ZNF606: variants seen among roughly 807,000 people sequenced by gnomAD.
ZNF606 encodes zinc finger protein 328.
A neutral mutation model predicts 74.9 loss-of-function variants in ZNF606; 37 were observed. The ratio of observed to expected loss-of-function variants is 0.49; its 90% CI spans 0.38 to 0.65. The LOEUF (loss-of-function observed/expected upper bound fraction) is 0.65, where lower values mean the gene tolerates loss of function less well. Ranked by LOEUF, ZNF606 falls within the 30% of genes least tolerant of loss-of-function variation. The pLI is 0.00. For missense variants in ZNF606, 852 were observed against 952.9 expected (o/e 0.89, Z 1.39); for synonymous variants, 328 against 312.4 (o/e 1.05, Z -0.53).
Position 58,002,700 on chromosome 19 carries a change from CGCCGCCTCTCCCA to C in ZNF606, c.-369_-357del. ...AGGGCAGGCGCAGGACCCACCCTGA[CGCCGCCTCTCCCA>C]GCCGGCTCTCCTGACCCCCCAAGCC... On this transcript the variant is annotated 5_prime_UTR_variant, in exon 1 of 7. Coordinates refer to ENST00000551380, the MANE Select transcript of ZNF606 (RefSeq NM_001348022.3). 2.2e-6 allele frequency: 1 copy of C among 453,974 alleles called. No individual in the cohort carries two copies. The highest frequency in any genetic ancestry group is 1.6e-5 in the South Asian group (1 of 64,476). 28.1% of individuals were successfully genotyped at this position (453,974 alleles called of 1,614,324 possible).
intron 4 of ZNF606, chr19:57,998,659 T>C (rs771289484): frequency 6.6e-6 from 1 of 152,206 alleles, no homozygotes; most frequent in African/African-American, 2.4e-5. Flanking sequence ...ATTCTGTGAC[T>C]ATACGAGAAA....
intron 4 of ZNF606, among the ~76,000 whole-genome samples, chr19:57,993,639 T>C (rs1458444975): frequency 3.3e-5 from 5 of 152,194 alleles, no homozygotes; most frequent in South Asian, 2.1e-4. Context: ...CCAGCAGCCA[T>C]GTACTTATAC....
At position 57,978,783 on chromosome 19, in the gene ZNF606, A is replaced by C; in HGVS notation, c.1897T>G (p.Cys633Gly). 6.2e-7 allele frequency: 1 copy of C among 1,614,188 alleles called. No individual in the cohort carries two copies. The highest frequency in any genetic ancestry group is 8.5e-7 in the Non-Finnish European group (1 of 1,180,028). Residue 633 changes from cysteine to glycine, a missense_variant, in exon 7 of 7, where the codon TGT becomes GGT. Coordinates refer to ENST00000551380, the MANE Select transcript of ZNF606 (RefSeq NM_001348022.3). The surrounding 1 kb of genome is among the most constrained non-coding windows in gnomAD (Gnocchi z 4.4). ...PYECNKCGKS[C>G]SQMAHLVRHQ... Reference sequence around the variant, plus strand: ...CTAACAAGGTGAGCCATCTGGCTACAGGATTTTCCACATTTATTACATTCA... The same window carrying C: ...CTAACAAGGTGAGCCATCTGGCTACCGGATTTTCCACATTTATTACATTCA...
At position 57,984,025 on chromosome 19, in the gene ZNF606, C is replaced by T. The variant is rs571522324; in HGVS notation, c.401-3746G>A. 2.0e-3 allele frequency among the ~76,000 whole-genome samples: 312 copies of T among 152,264 alleles called. 2 individuals are homozygous for T. The highest frequency in any genetic ancestry group is 3.4e-3 in the Middle Eastern group (1 of 294). ...GGCTAATAACAAGTGAGAATTTCCT[C>T]ATCAACTTGGGCTGGAATTTTACGA... On this transcript the variant is annotated intron_variant, in intron 6 of 6. Coordinates refer to ENST00000551380, the MANE Select transcript of ZNF606 (RefSeq NM_001348022.3).
chr19:57,988,448 G>C, intron 5 of ZNF606, 146 bp from the exon 6 acceptor site: 4 of 1,393,614 alleles, frequency 2.9e-6, no homozygotes, highest in Non-Finnish European at 3.9e-6. Flanking sequence ...TAAGCATTAG[G>C]AGTTTCATCC....
At chr19:57,995,473 CAAAGTTGAAAAAAGAAA>C (rs915894145) in intron 4 of ZNF606, among the ~76,000 whole-genome samples, 1 of 151,668 alleles carries the variant, frequency 6.6e-6, no homozygotes, top group African/African-American at 2.4e-5. Context: ...GGATGGACCT[CAAAGTTGAAAAAAGAAA>C]ACTATAGGAA....
intron 4 of ZNF606, among the ~76,000 whole-genome samples, chr19:57,995,567 C>CCTATAGCAAAGTG (rs373816404): frequency 6.6e-5 from 10 of 152,140 alleles, no homozygotes; most frequent in African/African-American, 2.2e-4. Context: ...GTGGCTCACA[C>CCTATAGCAAAGTG]CTATAATCCC....
In ZNF606 at chr19:57,978,604, A is replaced by T; in HGVS notation, c.2076T>A (p.Ser692Arg). 3 of 1,613,814 alleles carry T rather than the reference A, an allele frequency of 1.9e-6. No homozygotes were observed. The highest frequency in any genetic ancestry group is 2.5e-6 in the Non-Finnish European group (3 of 1,179,958). The change falls in exon 7 of 7, where the codon AGT becomes AGA. Residue 692 changes from serine to arginine, a missense_variant. Ser to Arg is a moderately radical substitution (Grantham distance 110). Transcript: ENST00000551380. This position sits in a 1 kb window ranked among gnomAD's most constrained non-coding sequence, Gnocchi z 4.4. ...TTCTCCGGTGTGCAATGAGGTGAGA[A>T]CTACAGTTAAAGGATCTTTCACACT... ...CNQCERSFNC[S>R]SHLIAHRRTH...
intron 3 of ZNF606, 84 bp from the exon 4 acceptor site, chr19:57,999,980 T>C: frequency 1.7e-6 from 2 of 1,184,352 alleles, no homozygotes; most frequent in Non-Finnish European, 2.4e-6. Flanking sequence ...AACCAGCCCC[T>C]GCCCCTCCCC....
At chr19:57,985,566 G>A (rs1270675888) in intron 6 of ZNF606, among the ~76,000 whole-genome samples, 2 of 151,512 alleles carry the variant, frequency 1.3e-5, no homozygotes, top group Non-Finnish European at 2.9e-5. Context: ...GAATGAAAGA[G>A]CTGAGGAATG....
At position 57,979,323 on chromosome 19, in the gene ZNF606, T is replaced by G. The variant is rs1474246710; in HGVS notation, c.1357A>C (p.Ile453Leu). The G allele has an allele frequency of 2.1e-5, 34 of 1,613,772 alleles. No individual in the cohort carries two copies. Among genetic ancestry groups the G allele is most frequent in the African/African-American group, 4.0e-5 (3 of 74,920 alleles). ...CATTTATTACATTCATAGGGTTTTATTCCAGTGTGAGTCCGTTCATGTTTC... is the reference window on the plus strand; with the variant it reads ...CATTTATTACATTCATAGGGTTTTAGTCCAGTGTGAGTCCGTTCATGTTTC... ...LTKHERTHTG[I>L]KPYECNKCGK... Residue 453 changes from isoleucine to leucine, a missense_variant, in exon 7 of 7, where the codon ATA becomes CTA. Transcript: ENST00000551380.
Position 57,980,199 on chromosome 19 carries a change from A to G in ZNF606, c.481T>C (p.Leu161=). 6.2e-7 allele frequency: 1 copy of G among 1,614,090 alleles called. No individual in the cohort carries two copies. ...GGATCATCCCATATATATCTTTCCA[A>G]CTTCATGCCATGGGATTGTTCTTCC... is the stretch of plus-strand genomic sequence containing the variant. ...FEEEQSHGMK[L]ERYIWDDPWF... Residue 161 remains leucine, a synonymous_variant, in exon 7 of 7, where the codon TTG becomes CTG. Transcript: ENST00000551380.
In ZNF606 at chr19:57,980,025, A is replaced by T; in HGVS notation, c.655T>A (p.Phe219Ile). Residue 219 changes from phenylalanine to isoleucine, a missense_variant, in exon 7 of 7, where the codon TTT becomes ATT. Phe to Ile is a conservative substitution (Grantham distance 21, BLOSUM62 0). This residue lies in a region of ZNF606 where 545 missense variants were observed against 542.5 expected (regional missense o/e 1.00). Transcript: ENST00000551380. The part of the protein sequence containing the change: ...SSEFCGLGAE[F>I]SQNLNFVPSQ... Reference sequence around the variant, plus strand: ...GGAACAAAGTTTAAGTTCTGGCTAAACTCTGCCCCAAGTCCACAGAATTCA... The same window carrying T: ...GGAACAAAGTTTAAGTTCTGGCTAATCTCTGCCCCAAGTCCACAGAATTCA... 1 of 1,613,538 alleles carries T rather than the reference A, an allele frequency of 6.2e-7. No homozygotes were observed. Among genetic ancestry groups the T allele is most frequent in the Non-Finnish European group, 8.5e-7 (1 of 1,180,010 alleles).
At position 57,979,612 on chromosome 19, in the gene ZNF606, G is replaced by C. The variant is rs772271108; in HGVS notation, c.1068C>G (p.Phe356Leu). Reference protein sequence around the residue: ...NYKEYENIFYFSSFMEHQKIG... With the variant: ...NYKEYENIFYLSSFMEHQKIG... ...TTTTTTGATGTTCCATAAAGGATGA[G>C]AAATAAAAGATATTCTCATATTCTT... The change falls in exon 7 of 7, where the codon TTC (phenylalanine) becomes TTG (leucine). Residue 356 changes from phenylalanine to leucine, a missense_variant. Physicochemically the swap from Phe to Leu is conservative, Grantham distance 22 (BLOSUM62 0). This residue lies in a region of ZNF606 where 545 missense variants were observed against 542.5 expected (regional missense o/e 1.00). Coordinates refer to ENST00000551380, the MANE Select transcript of ZNF606 (RefSeq NM_001348022.3). The C allele has an allele frequency of 2.5e-6, 4 of 1,613,350 alleles. No individual in the cohort carries two copies. In the Admixed American group the frequency reaches 5.0e-5, roughly 20 times the overall value.
chr19:57,999,725 T>A (rs761625050), intron 4 of ZNF606, 83 bp downstream of exon 4: 2 of 1,404,920 alleles, frequency 1.4e-6, no homozygotes, highest in East Asian at 4.6e-5. Context: ...CTCCAACTGT[T>A]GTAAACTGGA....
rs199722434 is a variant in ZNF606, at chr19:57,981,454, G to GA, written c.401-1176dup. Among the ~76,000 whole-genome samples the GA allele has an allele frequency of 3.1e-3, 465 of 150,334 alleles. 1 individual carries two copies. Among genetic ancestry groups the GA allele is most frequent in the African/African-American group, 0.011 (446 of 41,028 alleles). ...AGTGAATGTTATTAAGGTTAAAAAA[G>GA]AAAAAAAAAGAATAAAGCCTTTCAT... On this transcript the variant is annotated intron_variant, in intron 6 of 6. Transcript: ENST00000551380.
Position 58,000,666 on chromosome 19 carries a change from C to T in ZNF606, c.88+17G>A. 6.2e-7 allele frequency: 1 copy of T among 1,613,866 alleles called. No individual in the cohort carries two copies. On this transcript the variant is annotated intron_variant, in intron 3 of 6. Coordinates refer to ENST00000551380, the MANE Select transcript of ZNF606 (RefSeq NM_001348022.3). ...CCACAATATGGCAGCCCACAGCTGA[C>T]CAGGCTCTTGACTCACCCCAGGAGG...
At chr19:57,984,906 A>G (rs1442735985) in intron 6 of ZNF606, among the ~76,000 whole-genome samples, 8 of 152,206 alleles carry the variant, frequency 5.3e-5, no homozygotes, top group Non-Finnish European at 1.2e-4. Context: ...CATCCTGGCT[A>G]ACATGGTGAA....
At chr19:57,988,742 C>A in intron 4 of ZNF606, 21 bp from the exon 5 acceptor site, 1 of 1,613,862 alleles carries the variant, frequency 6.2e-7, no homozygotes, top group Non-Finnish European at 8.5e-7. Flanking sequence ...ACAAACGTTC[C>A]TTCTCAGCCT....
Sources: allele counts gnomAD v4.1 joint callset (sites outside exome capture counted in the v4.1 genomes callset), GRCh38; gene constraint gnomAD v4.1.1; regional missense constraint gnomAD v4.1.1; non-coding constraint Gnocchi (gnomAD v3.1); transcripts MANE v1.5; gene names NCBI Gene and HGNC (gene_info 2026-07-23, HGNC 2026-07-21).